The following GPR137B variants were observed in gnomAD, a reference collection of about 807,000 sequenced individuals.
The protein encoded by GPR137B is G protein-coupled receptor 137B, also known as integral membrane protein GPR137B.
In GPR137B, 42 loss-of-function variants were observed where a neutral mutation model predicts 42.5. The observed-to-expected ratio is 0.99, with a 90% confidence interval of 0.77 to 1.28. GPR137B has a LOEUF of 1.28. Among genes scored for constraint, GPR137B ranks in the 50% most tolerant of loss-of-function variants. The pLI, the probability that GPR137B is intolerant of heterozygous loss-of-function variation, is 0.00. For synonymous variants in GPR137B, 218 were observed against 209.7 expected (o/e 1.04, Z -0.34); for missense variants, 487 against 493.9 (o/e 0.99, Z 0.13).
intron 5 of GPR137B, among the ~76,000 whole-genome samples, chr1:236,187,059 G>A (rs1663056051): frequency 6.6e-6 from 1 of 152,106 alleles, no homozygotes; most frequent in Admixed American, 6.5e-5. Context: ...CTGTGAGATG[G>A]TATCTCATTG....
At chr1:236,149,494 G>A (rs1216940395) in intron 1 of GPR137B, among the ~76,000 whole-genome samples, 1 of 152,188 alleles carries the variant, frequency 6.6e-6, no homozygotes, top group African/African-American at 2.4e-5. Flanking sequence ...CCTAAAAGTC[G>A]AATCCAGGAA....
At chr1:236,176,157 AG>A (rs1466627635) in intron 2 of GPR137B, among the ~76,000 whole-genome samples, 1 of 152,174 alleles carries the variant, frequency 6.6e-6, no homozygotes, top group East Asian at 1.9e-4. Flanking sequence ...AGGGAACAGC[AG>A]GGCCTGTGAC....
intron 1 of GPR137B, among the ~76,000 whole-genome samples, chr1:236,160,652 C>G (rs925340986): frequency 3.9e-5 from 6 of 152,202 alleles, no homozygotes; most frequent in Non-Finnish European, 5.9e-5. Flanking sequence ...GCAGTTTATG[C>G]TCTTGAATTG....
chr1:236,146,963 C>G (rs992876838), intron 1 of GPR137B, among the ~76,000 whole-genome samples: 1 of 152,190 alleles, frequency 6.6e-6, no homozygotes, highest in Non-Finnish European at 1.5e-5. Context: ...TGTGCGCCAC[C>G]ACGCCTGGCT....
intron 1 of GPR137B, among the ~76,000 whole-genome samples, chr1:236,165,714 G>T (rs972558805): frequency 1.3e-5 from 2 of 152,186 alleles, no homozygotes; most frequent in African/African-American, 4.8e-5. Context: ...TTGGAAAACC[G>T]CTGTATACCG....
In GPR137B at chr1:236,164,439, C is replaced by T. The variant is rs944336465; in HGVS notation, c.415-4267C>T. 2.0e-5 allele frequency among the ~76,000 whole-genome samples: 3 copies of T among 152,306 alleles called. 1 individual carries two copies. Among genetic ancestry groups the T allele is most frequent in the South Asian group, 4.1e-4 (2 of 4,822 alleles). On this transcript the variant is annotated intron_variant, in intron 1 of 6. Transcript: ENST00000366592. The stretch of plus-strand genomic sequence containing the variant: ...TTCACGTCTGCCTCCCCACAGGAGC[C>T]GTCGCCCCTCCCAGCTGAGTTCCTG...
intron 1 of GPR137B, among the ~76,000 whole-genome samples, chr1:236,147,821 G>A (rs80031486): frequency 0.014 from 2,195 of 152,322 alleles, 57 homozygotes; most frequent in African/African-American, 0.05. Context: ...GCTGGTAGCA[G>A]GCTGTTAACT....
intron 1 of GPR137B, among the ~76,000 whole-genome samples, chr1:236,153,133 C>T (rs1661917815): frequency 6.6e-6 from 1 of 151,780 alleles, no homozygotes; most frequent in Non-Finnish European, 1.5e-5. Context: ...GCAAAATTGA[C>T]ACAATATGAA....
At chr1:236,195,712 A>G (rs888744903) in intron 5 of GPR137B, among the ~76,000 whole-genome samples, 3 of 152,186 alleles carry the variant, frequency 2.0e-5, no homozygotes, top group African/African-American at 7.2e-5. Context: ...ACTAATATAC[A>G]TTCTCACCAA....
At chr1:236,154,444 C>T (rs949250379) in intron 1 of GPR137B, among the ~76,000 whole-genome samples, 10 of 151,972 alleles carry the variant, frequency 6.6e-5, no homozygotes, top group African/African-American at 1.2e-4. Flanking sequence ...CCTGGAGGAA[C>T]GTGGGTGTGT....
intron 1 of GPR137B, among the ~76,000 whole-genome samples, chr1:236,166,494 A>ATATATATATATTTATATATATACAT (rs1662360474): frequency 3.6e-5 from 5 of 138,752 alleles, no homozygotes; most frequent in African/African-American, 1.5e-4. Flanking sequence ...TTATATATAC[A>ATATATATATATTTATATATATACAT]TATATATATT....
At chr1:236,189,333 T>G (rs1434214297) in intron 5 of GPR137B, among the ~76,000 whole-genome samples, 9 of 152,212 alleles carry the variant, frequency 5.9e-5, no homozygotes, top group Non-Finnish European at 1.0e-4. Context: ...TCAGCTCTGC[T>G]CTGATCTTAG....
At chr1:236,148,944 C>T (rs546125681) in intron 1 of GPR137B, among the ~76,000 whole-genome samples, 36 of 152,266 alleles carry the variant, frequency 2.4e-4, no homozygotes, top group African/African-American at 8.7e-4. Context: ...TGCTGCTTCA[C>T]CAGGGAGACA....
chr1:236,178,381 G>A, intron 2 of GPR137B, 33 bp from the exon 3 acceptor site: 1 of 1,277,690 alleles, frequency 7.8e-7, no homozygotes, highest in Non-Finnish European at 1.1e-6. Context: ...GACCTGGGAT[G>A]TGCAGCTGAC....
intron 5 of GPR137B, among the ~76,000 whole-genome samples, chr1:236,202,263 G>A (rs1205598455): frequency 2.0e-5 from 3 of 152,012 alleles, no homozygotes; most frequent in Non-Finnish European, 4.4e-5. Flanking sequence ...ACAGACTCAG[G>A]ACCACTGTTT....
In GPR137B at chr1:236,155,065, G is replaced by A. The variant is rs1558479905; in HGVS notation, c.414+12029G>A. 6.6e-6 allele frequency among the ~76,000 whole-genome samples: 1 copy of A among 152,260 alleles called. No individual in the cohort carries two copies. On this transcript the variant is annotated intron_variant, in intron 1 of 6. Transcript: ENST00000366592. This position sits in a 1 kb window ranked among gnomAD's most constrained non-coding sequence, Gnocchi z 4.6. Reference sequence around the variant, plus strand: ...CTTGTCATTCCCAAGGCCAAAGAGAGAGAATCCTGCCAGGGAGGCAGGTCA... The same window carrying A: ...CTTGTCATTCCCAAGGCCAAAGAGAAAGAATCCTGCCAGGGAGGCAGGTCA...
chr1:236,204,024 A>G (rs374117931), intron 5 of GPR137B, among the ~76,000 whole-genome samples: 2 of 152,306 alleles, frequency 1.3e-5, no homozygotes, highest in South Asian at 2.1e-4. Flanking sequence ...GTTTTCCCCT[A>G]TTCAGTATGA....
intron 5 of GPR137B, among the ~76,000 whole-genome samples, chr1:236,194,198 T>TA (rs1489441344): frequency 6.6e-6 from 1 of 151,442 alleles, no homozygotes; most frequent in Non-Finnish European, 1.5e-5. Flanking sequence ...GTTTTCAACT[T>TA]ACAATGAGTT....
chr1:236,197,967 C>T (rs201610108), intron 5 of GPR137B, among the ~76,000 whole-genome samples: 95 of 152,022 alleles, frequency 6.2e-4, no homozygotes, highest in African/African-American at 1.6e-3. Flanking sequence ...GTGATCCACC[C>T]GCCTCGGCCT....
Sources: gnomAD v4.1 joint callset for allele counts (sites outside exome capture counted in the v4.1 genomes callset) on GRCh38, gnomAD v4.1.1 for gene constraint, Gnocchi (gnomAD v3.1) non-coding constraint, MANE v1.5 for transcripts, NCBI Gene and HGNC (gene_info 2026-07-23, HGNC 2026-07-21) for gene names.